CNTNAP2: variants seen among roughly 807,000 people sequenced by gnomAD.
CNTNAP2 encodes contactin associated protein 2, also known as contactin-associated protein-like 2.
A neutral mutation model predicts 155.2 loss-of-function variants in CNTNAP2; 98 were observed. The ratio of observed to expected loss-of-function variants is 0.63; its 90% confidence interval spans 0.54 to 0.75. The LOEUF (loss-of-function observed/expected upper bound fraction) is 0.75, where lower values mean the gene tolerates loss of function less well. Ranked by LOEUF, CNTNAP2 falls within the 30% of genes least tolerant of loss-of-function variation. The pLI, the probability that CNTNAP2 is intolerant of heterozygous loss-of-function variation, is 0.00. For synonymous variants in CNTNAP2, 651 were observed against 631.2 expected (o/e 1.03, Z -0.47); for missense variants, 1,727 against 1,688.1 (o/e 1.02, Z -0.40).
At chr7:146,724,271 T>A (rs1406108155) in intron 1 of CNTNAP2, among the ~76,000 whole-genome samples, 3 of 152,188 alleles carry the variant, frequency 2.0e-5, no homozygotes, top group Admixed American at 1.3e-4. Flanking sequence ...ACATTGTAAG[T>A]GTTAGAACAG....
intron 3 of CNTNAP2, among the ~76,000 whole-genome samples, chr7:146,896,332 A>G (rs1585144023): frequency 6.6e-6 from 1 of 151,840 alleles, no homozygotes; most frequent in South Asian, 2.1e-4. Flanking sequence ...TTCCTCTTCA[A>G]CTCTTTTACT....
At chr7:148,382,467 G>T (rs918089891) in intron 21 of CNTNAP2, among the ~76,000 whole-genome samples, 1 of 146,184 alleles carries the variant, frequency 6.8e-6, no homozygotes, top group Non-Finnish European at 1.5e-5. Flanking sequence ...AACTGTCAGG[G>T]ACCCTATGAA....
chr7:146,592,652 T>C (rs1186446755), intron 1 of CNTNAP2, among the ~76,000 whole-genome samples: 1 of 152,090 alleles, frequency 6.6e-6, no homozygotes, highest in Non-Finnish European at 1.5e-5. Flanking sequence ...CAACCTCAAG[T>C]TCAAAAAAAT....
chr7:146,769,394 C>T (rs529289022), intron 1 of CNTNAP2, among the ~76,000 whole-genome samples: 10 of 152,120 alleles, frequency 6.6e-5, no homozygotes, highest in South Asian at 2.1e-4. Flanking sequence ...TTTAGTACAA[C>T]AAAAAAGCAG....
chr7:147,998,999 T>A (rs1801854311), intron 15 of CNTNAP2, among the ~76,000 whole-genome samples: 1 of 152,208 alleles, frequency 6.6e-6, no homozygotes, highest in African/African-American at 2.4e-5. Context: ...ATGATGTAAT[T>A]CAATAAAGGG....
chr7:146,943,747 T>C (rs1443757961), intron 3 of CNTNAP2, among the ~76,000 whole-genome samples: 1 of 152,132 alleles, frequency 6.6e-6, no homozygotes. Flanking sequence ...ATGGGCCCCA[T>C]GGTGTCATTC....
chr7:146,333,466 GA>G (rs1801219398), intron 1 of CNTNAP2, among the ~76,000 whole-genome samples: 1 of 151,918 alleles, frequency 6.6e-6, no homozygotes, highest in East Asian at 1.9e-4. Context: ...CTCATGCCCG[GA>G]AAAAAAGTAA....
At chr7:148,121,065 C>T (rs1804585185) in intron 16 of CNTNAP2, among the ~76,000 whole-genome samples, 2 of 151,764 alleles carry the variant, frequency 1.3e-5, no homozygotes, top group Admixed American at 6.6e-5. Flanking sequence ...TATGGTGTCT[C>T]GCTCTGTCGC....
intron 1 of CNTNAP2, among the ~76,000 whole-genome samples, chr7:146,272,754 A>G (rs1800102325): frequency 6.6e-6 from 1 of 152,152 alleles, no homozygotes; most frequent in South Asian, 2.1e-4. Context: ...TTGAGGAGTA[A>G]ATGGTGACAA....
chr7:148,149,304 A>G (rs17483113), intron 17 of CNTNAP2, among the ~76,000 whole-genome samples: 3,574 of 152,304 alleles, frequency 0.023, 57 homozygotes, highest in Middle Eastern at 0.044. Flanking sequence ...TGGAAGGAAC[A>G]TCAATTCACT....
chr7:148,071,925 T>C (rs1435859717), intron 15 of CNTNAP2, among the ~76,000 whole-genome samples: 1 of 152,302 alleles, frequency 6.6e-6, no homozygotes, highest in South Asian at 2.1e-4. Context: ...CAAATAGCTA[T>C]AAAAATTTCC....
At chr7:146,363,679 T>C (rs958775502) in intron 1 of CNTNAP2, among the ~76,000 whole-genome samples, 1 of 152,054 alleles carries the variant, frequency 6.6e-6, no homozygotes, top group Non-Finnish European at 1.5e-5. Context: ...CTAGATTACA[T>C]TGTGGGATGT....
At chr7:147,102,567 A>G (rs1193993745) in intron 4 of CNTNAP2, among the ~76,000 whole-genome samples, 1 of 152,188 alleles carries the variant, frequency 6.6e-6, no homozygotes, top group Non-Finnish European at 1.5e-5. Flanking sequence ...GAAATATTGC[A>G]CAAACTGTGA....
intron 10 of CNTNAP2, among the ~76,000 whole-genome samples, chr7:147,479,878 T>C (rs1453329236): frequency 6.6e-6 from 1 of 152,122 alleles, no homozygotes; most frequent in Non-Finnish European, 1.5e-5. Context: ...TAATGTTATG[T>C]AATAACAACA....
chr7:147,486,618 TA>T (rs1391177072), intron 11 of CNTNAP2, among the ~76,000 whole-genome samples: 24 of 151,914 alleles, frequency 1.6e-4, no homozygotes, highest in African/African-American at 5.6e-4. Flanking sequence ...ATGGCAAAAA[TA>T]AAAAGTAACA....
Position 147,859,435 on chromosome 7 carries a change from A to G in CNTNAP2, c.2099-44130A>G, listed in dbSNP as rs911230923. On this transcript the variant is annotated intron_variant, in intron 13 of 23. Coordinates refer to ENST00000361727, the MANE Select transcript of CNTNAP2 (RefSeq NM_014141.6). ...CAAGATCAAGACCAAAAAAAAAAAA[A>G]AAAAACATGTCATATTTTCTGCAGT... 4.2e-3 allele frequency among the ~76,000 whole-genome samples: 632 copies of G among 151,104 alleles called. 6 individuals carry two copies. The highest frequency in any genetic ancestry group is 0.015 in the African/African-American group (605 of 40,834).
intron 21 of CNTNAP2, among the ~76,000 whole-genome samples, chr7:148,321,201 T>C (rs1038461652): frequency 3.9e-5 from 6 of 152,202 alleles, no homozygotes; most frequent in African/African-American, 1.4e-4. Flanking sequence ...TGGAGAGATG[T>C]TGAATTTTTT....
chr7:147,596,609 C>G (rs984993510), intron 12 of CNTNAP2, among the ~76,000 whole-genome samples: 1 of 152,116 alleles, frequency 6.6e-6, no homozygotes, highest in Non-Finnish European at 1.5e-5. Flanking sequence ...ATTCATTCAG[C>G]CTTTTGTTTT....
chr7:147,481,550 G>A (rs1268950169), intron 10 of CNTNAP2, among the ~76,000 whole-genome samples: 1 of 152,128 alleles, frequency 6.6e-6, no homozygotes, highest in African/African-American at 2.4e-5. Flanking sequence ...CAGCCCATTT[G>A]ACCTTCCAAA....
Sources: gnomAD v4.1 joint callset for allele counts (sites outside exome capture counted in the v4.1 genomes callset) on GRCh38, gnomAD v4.1.1 for gene constraint, MANE v1.5 for transcripts, NCBI Gene and HGNC (gene_info 2026-07-23, HGNC 2026-07-21) for gene names.